The following BCL7A variants were observed in gnomAD, a reference collection of about 807,000 sequenced individuals.
BCL7A encodes the protein B-cell CLL/lymphoma 7 protein family member A.
Under a neutral mutation model 28.4 loss-of-function variants are expected in BCL7A, and 11 were observed. That is an observed-to-expected ratio of 0.39 (90% confidence interval 0.24 to 0.64). BCL7A has a LOEUF of 0.64. Among genes scored for constraint, BCL7A ranks in the 30% least tolerant of loss-of-function variants. The pLI, the probability that BCL7A is intolerant of heterozygous loss-of-function variation, is 0.50. For synonymous variants in BCL7A, 123 were observed against 103.3 expected (o/e 1.19, Z -1.15); for missense variants, 222 against 274.8 (o/e 0.81, Z 1.36).
intron 3 of BCL7A, among the ~76,000 whole-genome samples, chr12:122,037,252 C>T (rs1883875167): frequency 6.6e-6 from 1 of 152,204 alleles, no homozygotes; most frequent in African/African-American, 2.4e-5. Flanking sequence ...AGCCTGCAAC[C>T]CCTGCCTTTT....
intron 1 of BCL7A, among the ~76,000 whole-genome samples, chr12:122,027,014 T>C (rs1169093): frequency 0.88 from 133,779 of 152,236 alleles, 58,966 homozygotes; most frequent in African/African-American, 0.95. Context: ...GGGAAAGGTG[T>C]TGAAGTCAGG....
At chr12:122,040,939 G>A (rs745701752) in intron 3 of BCL7A, among the ~76,000 whole-genome samples, 2 of 152,146 alleles carry the variant, frequency 1.3e-5, no homozygotes, top group South Asian at 2.1e-4. Flanking sequence ...AGGAACCTAC[G>A]GGGCCAGCCT....
intron 3 of BCL7A, among the ~76,000 whole-genome samples, chr12:122,040,490 C>T (rs576419140): frequency 2.0e-5 from 3 of 150,440 alleles, no homozygotes; most frequent in African/African-American, 7.4e-5. Context: ...CAAGATTGCA[C>T]CACTGCACTC....
chr12:122,022,068 A>C lies in BCL7A; in HGVS notation c.-24A>C. The stretch of plus-strand genomic sequence containing the variant: ...GCAGGACCCGGCGGGCGCGCTCCCC[A>C]GCCTCCGTCTCCCCGCCGGAACCAT... On this transcript the variant is annotated 5_prime_UTR_variant, in exon 1 of 6. Transcript: ENST00000261822. The C allele has an allele frequency of 6.5e-7, 1 of 1,534,562 alleles. No individual in the cohort carries two copies. Among genetic ancestry groups the C allele is most frequent in the Non-Finnish European group, 8.8e-7 (1 of 1,139,046 alleles).
Position 122,043,956 on chromosome 12 carries a change from C to T in BCL7A, c.342C>T (p.Ser114=), listed in dbSNP as rs151108243. 7.4e-6 allele frequency: 12 copies of T among 1,613,964 alleles called. No individual in the cohort carries two copies. Among genetic ancestry groups the T allele is most frequent in the Middle Eastern group, 3.3e-4 (2 of 6,062 alleles). ...AACAGGAGAACAGCAGCAACTCCAG[C>T]CCCGCTCCAGAGCCCAACTCGGCTG... ...PIKQENSSNS[S]PAPEPNSAVP... Residue 114 remains serine, a synonymous_variant, in exon 4 of 6, where the codon AGC becomes AGT. Coordinates refer to ENST00000261822, the MANE Select transcript of BCL7A (RefSeq NM_001024808.3).
In BCL7A at chr12:122,060,453, C is replaced by G. The variant is rs1026773614; in HGVS notation, c.*1290C>G. ...GACGCAATCTCCCCTCCCTCCCATC[C>G]CCCACCTTCGCTGGAACAGCTTCCT... On this transcript the variant is annotated 3_prime_UTR_variant, in exon 6 of 6. Transcript: ENST00000261822. The G allele has an allele frequency of 7.3e-5, 17 of 233,186 alleles. No homozygotes were observed. The highest frequency in any genetic ancestry group is 3.8e-4 in the African/African-American group (17 of 45,314). 14.4% of individuals were successfully genotyped at this position (233,186 alleles called of 1,614,324 possible).
At chr12:122,042,403 C>A (rs1042966994) in intron 3 of BCL7A, among the ~76,000 whole-genome samples, 1 of 151,804 alleles carries the variant, frequency 6.6e-6, no homozygotes. Context: ...ACCTGTAATC[C>A]CAGCACTTTG....
intron 4 of BCL7A, among the ~76,000 whole-genome samples, chr12:122,045,377 T>C (rs890027990): frequency 6.6e-6 from 1 of 151,968 alleles, no homozygotes; most frequent in Non-Finnish European, 1.5e-5. Context: ...CAAGACTCTG[T>C]CTCAGAAAAA....
chr12:122,035,395 A>G lies in BCL7A; in HGVS notation c.239A>G (p.Asn80Ser). ...KCGSEVTTPENSSSPGMMDMH... is the reference protein window; with the variant it reads ...KCGSEVTTPESSSSPGMMDMH... Reference sequence around the variant, plus strand: ...GGCTCAGAGGTGACCACTCCGGAGAACAGTTCCTCCCCAGGGATGATGGAC... The same window carrying G: ...GGCTCAGAGGTGACCACTCCGGAGAGCAGTTCCTCCCCAGGGATGATGGAC... Residue 80 changes from asparagine (N) to serine (S), a missense_variant, in exon 3 of 6, where the codon AAC becomes AGC. By Grantham distance (46) the Asn-to-Ser change is conservative. This residue lies in a region of BCL7A where 67 missense variants were observed against 129.1 expected (regional missense o/e 0.52). Transcript: ENST00000261822. The G allele has an allele frequency of 6.2e-7, 1 of 1,614,176 alleles. No homozygotes were observed. The highest frequency in any genetic ancestry group is 8.5e-7 in the Non-Finnish European group (1 of 1,180,010).
rs1042276610 is a variant in BCL7A at position 122,044,017 on chromosome 12, G to T, written c.403G>T (p.Ala135Ser). 1 of 1,613,720 alleles carries T rather than the reference G, an allele frequency of 6.2e-7. No homozygotes were observed. The highest frequency in any genetic ancestry group is 8.5e-7 in the Non-Finnish European group (1 of 1,179,962). ...SDGTEAKVDE[A>S]QADGKEHPGA... is the part of the protein sequence containing the mutation. ...CGGCACCGAGGCCAAGGTGGATGAG[G>T]CCCAGGCTGATGGGAAGGAGCACCC... The change falls in exon 4 of 6, where the codon GCC becomes TCC. Residue 135 changes from alanine (A) to serine (S), a missense_variant. By Grantham distance (99) the Ala-to-Ser change is moderately conservative. Around this residue, in one of 2 missense-constraint regions of BCL7A, gnomAD observed 155 missense variants for 145.7 expected, o/e 1.06. Transcript: ENST00000261822.
chr12:122,039,504 AT>A (rs1565938458), intron 3 of BCL7A, among the ~76,000 whole-genome samples: 36 of 140,748 alleles, frequency 2.6e-4, no homozygotes, highest in African/African-American at 5.8e-4. Context: ...ATATATATAT[AT>A]AATATATATA....
rs1271482435 is a variant in BCL7A, at chr12:122,059,944, G to C, written c.*781G>C. The stretch of plus-strand genomic sequence containing the variant: ...GCGTCTCCAAGCCCACCATGGCCCA[G>C]ATGGACGTGCAAAGCCCTTGGAATT... On this transcript the variant is annotated 3_prime_UTR_variant, in exon 6 of 6. Coordinates refer to ENST00000261822, the MANE Select transcript of BCL7A (RefSeq NM_001024808.3). This position sits in a 1 kb window ranked among gnomAD's most constrained non-coding sequence, Gnocchi z 4.0. 1.7e-5 allele frequency: 4 copies of C among 232,916 alleles called. No individual in the cohort carries two copies. Among genetic ancestry groups the C allele is most frequent in the Non-Finnish European group, 2.5e-5 (3 of 117,794 alleles). 14.4% of individuals were successfully genotyped at this position (232,916 alleles called of 1,614,324 possible). A position where few individuals can be genotyped will look rare whatever the true frequency, so the allele number is the denominator to read the frequency against.
intron 4 of BCL7A, among the ~76,000 whole-genome samples, chr12:122,052,204 A>T (rs1333181985): frequency 2.6e-5 from 4 of 152,010 alleles, no homozygotes; most frequent in Non-Finnish European, 4.4e-5. Flanking sequence ...TAAAAAAAAA[A>T]AATAAATAAA....
chr12:122,038,261 A>G (rs1883895268), intron 3 of BCL7A, among the ~76,000 whole-genome samples: 1 of 150,592 alleles, frequency 6.6e-6, no homozygotes, highest in Non-Finnish European at 1.5e-5. Flanking sequence ...GCAAAACCCC[A>G]TCTCTACTAA....
At chr12:122,054,448 G>A (rs1884265334) in intron 4 of BCL7A, among the ~76,000 whole-genome samples, 1 of 152,180 alleles carries the variant, frequency 6.6e-6, no homozygotes, top group Admixed American at 6.5e-5. Context: ...CCTTGGCTGC[G>A]GGAGAGAGGA....
At chr12:122,041,023 T>C (rs557955378) in intron 3 of BCL7A, among the ~76,000 whole-genome samples, 1 of 145,072 alleles carries the variant, frequency 6.9e-6, no homozygotes, top group East Asian at 2.0e-4. Context: ...CACATCCTTC[T>C]TTTTTTTTTT....
In BCL7A at chr12:122,056,242, CA is replaced by C. The variant is rs372349996; in HGVS notation, c.561+1317del. Among the ~76,000 whole-genome samples the C allele has an allele frequency of 7.2e-5, 11 of 152,250 alleles. No homozygotes were observed. The East Asian group carries it at 9.6e-4, about 13-fold the overall frequency. ...CTGGGATCTCTGGGCCTCTTGATCT[CA>C]GAGAAGAAAAGCTCAGCTTGAAACT... is the stretch of plus-strand genomic sequence containing the variant. On this transcript the variant is annotated intron_variant, in intron 5 of 5. Transcript: ENST00000261822.
chr12:122,037,172 G>T (rs913828069), intron 3 of BCL7A, among the ~76,000 whole-genome samples: 5 of 152,230 alleles, frequency 3.3e-5, no homozygotes, highest in Non-Finnish European at 7.3e-5. Flanking sequence ...CTTAGCAAGA[G>T]TGTGGCGCCT....
intron 1 of BCL7A, among the ~76,000 whole-genome samples, chr12:122,027,666 G>A (rs541451354): frequency 5.3e-5 from 8 of 152,036 alleles, no homozygotes; most frequent in South Asian, 2.1e-4. Context: ...GGTGAAACCC[G>A]TCTCTACTAA....
Sources: gnomAD v4.1 joint callset for allele counts (sites outside exome capture counted in the v4.1 genomes callset) on GRCh38, gnomAD v4.1.1 for gene constraint, gnomAD v4.1.1 regional missense constraint, Gnocchi (gnomAD v3.1) non-coding constraint, MANE v1.5 for transcripts, NCBI Gene and HGNC (gene_info 2026-07-23, HGNC 2026-07-21) for gene names.